ZFPM2: variants seen among roughly 807,000 people sequenced by gnomAD.
ZFPM2 encodes the protein zinc finger protein, FOG family member 2.
In ZFPM2, 20 loss-of-function variants were observed where a neutral mutation model predicts 98.6. The ratio of observed to expected loss-of-function variants is 0.20; its 90% CI spans 0.14 to 0.29. The LOEUF is 0.29. Ranked by LOEUF, ZFPM2 falls within the 10% of genes least tolerant of loss-of-function variation. The pLI, the probability that ZFPM2 is intolerant of heterozygous loss-of-function variation, is 1.00. For missense variants in ZFPM2, 1,310 were observed against 1,388.6 expected, an observed-to-expected ratio of 0.94 and a Z score of 0.90; for synonymous variants, 518 against 502.7, an observed-to-expected ratio of 1.03 and a Z score of -0.41.
intron 5 of ZFPM2, among the ~76,000 whole-genome samples, chr8:105,783,779 C>G (rs935702060): frequency 8.9e-5 from 11 of 123,742 alleles, no homozygotes; most frequent in African/African-American, 3.3e-4. Flanking sequence ...TTATCCATTC[C>G]TCTATCAATG....
chr8:105,736,980 A>AT (rs200918473), intron 5 of ZFPM2, among the ~76,000 whole-genome samples: 1 of 151,862 alleles, frequency 6.6e-6, no homozygotes, highest in Admixed American at 6.6e-5. Context: ...TATTTTAAAG[A>AT]TTTTTTTTCA....
At chr8:105,556,589 C>T (rs1195719945) in intron 3 of ZFPM2, among the ~76,000 whole-genome samples, 4 of 151,928 alleles carry the variant, frequency 2.6e-5, no homozygotes, top group Admixed American at 6.6e-5. Flanking sequence ...GCGTGTATCC[C>T]GGTCTACCAC....
chr8:105,708,707 G>T (rs1040181989), intron 5 of ZFPM2, among the ~76,000 whole-genome samples: 8 of 152,288 alleles, frequency 5.3e-5, no homozygotes, highest in Admixed American at 2.6e-4. Context: ...GCCTTCCATA[G>T]TGCTGGGATT....
intron 5 of ZFPM2, among the ~76,000 whole-genome samples, chr8:105,731,143 A>G (rs1329815227): frequency 6.6e-6 from 1 of 151,758 alleles, no homozygotes; most frequent in African/African-American, 2.4e-5. Context: ...TTCCTTTTTC[A>G]TGGGGCAAAC....
intron 1 of ZFPM2, among the ~76,000 whole-genome samples, chr8:105,352,876 C>T (rs1168122694): frequency 1.3e-5 from 2 of 152,076 alleles, no homozygotes; most frequent in Admixed American, 1.3e-4. Flanking sequence ...AGCTAACCTA[C>T]CTACCTACCT....
At chr8:105,395,980 T>C (rs985326478) in intron 1 of ZFPM2, among the ~76,000 whole-genome samples, 3 of 152,248 alleles carry the variant, frequency 2.0e-5, no homozygotes, top group African/African-American at 7.2e-5. Flanking sequence ...TATTAATTGC[T>C]TTTTGAGCTC....
At chr8:105,547,827 ATTAT>A (rs1398564604) in intron 3 of ZFPM2, among the ~76,000 whole-genome samples, 4 of 152,120 alleles carry the variant, frequency 2.6e-5, no homozygotes, top group African/African-American at 7.2e-5. Flanking sequence ...ATCTTCTGAT[ATTAT>A]TTATTAAAGT....
intron 3 of ZFPM2, among the ~76,000 whole-genome samples, chr8:105,484,229 CT>C (rs1813183895): frequency 6.6e-6 from 1 of 151,870 alleles, no homozygotes; most frequent in South Asian, 2.1e-4. Flanking sequence ...ATATTCTTTT[CT>C]TTTAGAATTC....
rs1554613621 is a variant in ZFPM2 at position 105,517,707 on chromosome 8, C to CCACACACACACACA, written c.302-43634_302-43621dup. Among the ~76,000 whole-genome samples, 486 of 124,952 alleles carry CCACACACACACACA rather than the reference C, an allele frequency of 3.9e-3. 5 individuals carry two copies. Among genetic ancestry groups the CCACACACACACACA allele is most frequent in the South Asian group, 6.5e-3 (22 of 3,382 alleles). The allele number at this position is 124,952 out of a possible 152,430, so 82.0% of individuals were successfully genotyped here. A position where few individuals can be genotyped will look rare whatever the true frequency, so the allele number is the denominator to read the frequency against. Reference sequence around the variant, plus strand: ...CACACACACACCACACACACACACACCACACACACACACACACACACACAC... The same window carrying CCACACACACACACA: ...CACACACACACCACACACACACACACCACACACACACACACACACACACACACACACACACACAC... On this transcript the variant is annotated intron_variant, in intron 3 of 7. Coordinates refer to ENST00000407775, the MANE Select transcript of ZFPM2 (RefSeq NM_012082.4).
intron 5 of ZFPM2, among the ~76,000 whole-genome samples, chr8:105,650,343 A>AT (rs1344265364): frequency 6.6e-6 from 1 of 151,930 alleles, no homozygotes; most frequent in Non-Finnish European, 1.5e-5. Flanking sequence ...GGATTCATTG[A>AT]TTTTTTGAAG....
chr8:105,320,113 C>T (rs1444239758), intron 1 of ZFPM2, among the ~76,000 whole-genome samples: 1 of 151,994 alleles, frequency 6.6e-6, no homozygotes, highest in Non-Finnish European at 1.5e-5. Context: ...CCCTTTCCCC[C>T]CTGATTATTA....
chr8:105,368,252 G>T (rs1218091029), intron 1 of ZFPM2, among the ~76,000 whole-genome samples: 2 of 151,472 alleles, frequency 1.3e-5, no homozygotes. Flanking sequence ...AAATGAGTTA[G>T]GGAGGATTCC....
intron 3 of ZFPM2, among the ~76,000 whole-genome samples, chr8:105,543,263 A>G (rs1399739366): frequency 6.6e-6 from 1 of 152,200 alleles, no homozygotes; most frequent in Non-Finnish European, 1.5e-5. Flanking sequence ...AGGTGGGTGG[A>G]TGGCTTGAGT....
chr8:105,667,664 A>G (rs1220927738), intron 5 of ZFPM2, among the ~76,000 whole-genome samples: 15 of 152,324 alleles, frequency 9.8e-5, no homozygotes, highest in Non-Finnish European at 2.2e-4. Flanking sequence ...AATCAAAACA[A>G]CATAGGACAG....
intron 1 of ZFPM2, among the ~76,000 whole-genome samples, chr8:105,335,008 AAGGTTTTAATTCATAAATGCC>A (rs1812302429): frequency 6.6e-6 from 1 of 151,686 alleles, no homozygotes; most frequent in Non-Finnish European, 1.5e-5. Context: ...ATAAAATAGA[AAGGTTTTAATTCATAAATGCC>A]AGCATAAATA....
At chr8:105,556,103 G>A (rs914794453) in intron 3 of ZFPM2, among the ~76,000 whole-genome samples, 3 of 152,178 alleles carry the variant, frequency 2.0e-5, no homozygotes, top group African/African-American at 7.2e-5. Flanking sequence ...GATGAAAGTG[G>A]AGTTTTAATC....
chr8:105,446,709 A>C (rs1480655521), intron 3 of ZFPM2, among the ~76,000 whole-genome samples: 2 of 152,132 alleles, frequency 1.3e-5, no homozygotes, highest in Non-Finnish European at 2.9e-5. Context: ...CTTTGAAGAG[A>C]AAATATGTAT....
chr8:105,463,325 A>G lies in ZFPM2; in HGVS notation c.301+18944A>G, dbSNP rs578162841. On this transcript the variant is annotated intron_variant, in intron 3 of 7. Coordinates refer to ENST00000407775, the MANE Select transcript of ZFPM2 (RefSeq NM_012082.4). ...TATATACACATATATACATATATAG[A>G]GTTTTTATAAGCTATATATGTGTGT... is the stretch of plus-strand genomic sequence containing the variant. 3.3e-5 allele frequency among the ~76,000 whole-genome samples: 5 copies of G among 151,856 alleles called. 1 individual carries two copies. In the South Asian group the frequency reaches 1.0e-3, roughly 32 times the overall value.
intron 6 of ZFPM2, chr8:105,797,069 ACTT>A (rs1213551034): frequency 1.3e-5 from 2 of 152,186 alleles, no homozygotes; most frequent in African/African-American, 4.8e-5. Context: ...ATTGTTCATG[ACTT>A]CTAGTCAGTT....
Sources: allele counts gnomAD v4.1 joint callset (sites outside exome capture counted in the v4.1 genomes callset), GRCh38; gene constraint gnomAD v4.1.1; transcripts MANE v1.5; gene names NCBI Gene and HGNC (gene_info 2026-07-23, HGNC 2026-07-21).